The following ASPRV1 variants were observed in gnomAD, a reference collection of about 807,000 sequenced individuals.
The protein encoded by ASPRV1 is aspartic peptidase retroviral like 1, also known as retroviral-like aspartic protease 1.
In ASPRV1, 7 loss-of-function variants were observed where a neutral mutation model predicts 11.0. The ratio of observed to expected loss-of-function variants is 0.64; its 90% CI spans 0.36 to 1.20. The LOEUF (loss-of-function observed/expected upper bound fraction) is 1.20, where lower values mean the gene tolerates loss of function less well. ASPRV1 is among the 50% of genes most tolerant of loss of function. ASPRV1 has a pLI of 0.02. For synonymous variants in ASPRV1, 136 were observed against 138.4 expected, an observed-to-expected ratio of 0.98 and a Z score of 0.12; for missense variants, 299 against 320.0, an observed-to-expected ratio of 0.93 and a Z score of 0.50.
chr2:69,942,755 A>G, the ASPRV1 span: 1 of 152,200 alleles, frequency 6.6e-6, no homozygotes, highest in Admixed American at 6.5e-5. Flanking sequence ...TTCTGTTTCC[A>G]GATGTTTCTT....
chr2:70,029,044 T>C, the ASPRV1 span, among the ~76,000 whole-genome samples: 11 of 152,098 alleles, frequency 7.2e-5, no homozygotes, highest in Non-Finnish European at 1.6e-4. Context: ...TGGCTCTCTG[T>C]TAAAATACAA....
chr2:70,042,007 T>C, the ASPRV1 span, among the ~76,000 whole-genome samples: 1 of 152,164 alleles, frequency 6.6e-6, no homozygotes, highest in Admixed American at 6.5e-5. Context: ...CTCTATTTGA[T>C]GTCCATTCCT....
chr2:69,994,519 G>A, the ASPRV1 span, among the ~76,000 whole-genome samples: 6 of 152,260 alleles, frequency 3.9e-5, no homozygotes, highest in South Asian at 2.1e-4. Flanking sequence ...GCATGTGGGC[G>A]GTACAGTAAC....
At chr2:70,062,169 G>A in the ASPRV1 span, among the ~76,000 whole-genome samples, 1 of 151,546 alleles carries the variant, frequency 6.6e-6, no homozygotes, top group Non-Finnish European at 1.5e-5. Flanking sequence ...GCTGGGCATA[G>A]TGGCGGGTGC....
the ASPRV1 span, among the ~76,000 whole-genome samples, chr2:70,076,443 A>C: frequency 6.6e-6 from 1 of 152,258 alleles, no homozygotes; most frequent in Non-Finnish European, 1.5e-5. Flanking sequence ...ACATTTGGTA[A>C]GCACTTTCTA....
the ASPRV1 span, among the ~76,000 whole-genome samples, chr2:69,976,966 T>G: frequency 1.3e-5 from 2 of 151,972 alleles, no homozygotes; most frequent in Non-Finnish European, 2.9e-5. Flanking sequence ...CCGCGGCAGG[T>G]GGATCGCCTG....
At chr2:70,007,753 T>A in the ASPRV1 span, among the ~76,000 whole-genome samples, 1 of 152,166 alleles carries the variant, frequency 6.6e-6, no homozygotes, top group Non-Finnish European at 1.5e-5. Flanking sequence ...GCTCATTATA[T>A]CTAGGGAGTG....
the ASPRV1 span, chr2:70,031,918 G>C: frequency 6.6e-6 from 1 of 152,150 alleles, no homozygotes; most frequent in Admixed American, 6.6e-5. Context: ...CATTTTACAG[G>C]CTTGGGAACC....
At chr2:69,976,171 G>A in the ASPRV1 span, among the ~76,000 whole-genome samples, 206 of 152,288 alleles carry the variant, frequency 1.4e-3, 1 homozygote, top group Non-Finnish European at 2.0e-3. Context: ...CCAACCCTCC[G>A]GCCACGTGGT....
the ASPRV1 span, among the ~76,000 whole-genome samples, chr2:69,979,589 C>T: frequency 2.6e-5 from 4 of 152,178 alleles, no homozygotes; most frequent in African/African-American, 9.7e-5. Context: ...GCACAAAGGC[C>T]CCCAAAATGG....
chr2:69,974,920 T>C, the ASPRV1 span, among the ~76,000 whole-genome samples: 2 of 152,220 alleles, frequency 1.3e-5, no homozygotes, highest in African/African-American at 4.8e-5. Flanking sequence ...GCTGATGGCA[T>C]GTTCACACTC....
At chr2:70,073,607 A>C in the ASPRV1 span, among the ~76,000 whole-genome samples, 2 of 152,304 alleles carry the variant, frequency 1.3e-5, no homozygotes, top group East Asian at 3.9e-4. Context: ...CTTAACAAGG[A>C]AAGAAAAAGG....
At chr2:70,074,616 A>C in the ASPRV1 span, among the ~76,000 whole-genome samples, 6 of 152,004 alleles carry the variant, frequency 3.9e-5, no homozygotes, top group South Asian at 1.3e-3. Context: ...TAAAACTAAA[A>C]AAAGTGAAGT....
the ASPRV1 span, among the ~76,000 whole-genome samples, chr2:70,023,712 A>G: frequency 2.6e-5 from 4 of 151,990 alleles, no homozygotes; most frequent in Non-Finnish European, 5.9e-5. Context: ...ACTTGCTAAT[A>G]AAGTATTTTC....
the ASPRV1 span, chr2:69,971,260 C>A: frequency 6.6e-6 from 1 of 152,088 alleles, no homozygotes; most frequent in African/African-American, 2.4e-5. Context: ...ATATATGTAG[C>A]TAAAACAAAA....
At chr2:70,006,919 T>C in the ASPRV1 span, among the ~76,000 whole-genome samples, 1 of 152,096 alleles carries the variant, frequency 6.6e-6, no homozygotes, top group Admixed American at 6.6e-5. Context: ...AGTGCAGCCT[T>C]GGGTTGGGGC....
the ASPRV1 span, among the ~76,000 whole-genome samples, chr2:70,029,555 C>T: frequency 6.6e-6 from 1 of 152,166 alleles, no homozygotes; most frequent in Non-Finnish European, 1.5e-5. Context: ...AGGGGAATCA[C>T]TTGAACCCAG....
the ASPRV1 span, among the ~76,000 whole-genome samples, chr2:70,006,364 G>A: frequency 6.6e-6 from 1 of 152,170 alleles, no homozygotes; most frequent in African/African-American, 2.4e-5. Flanking sequence ...AGGTGTAGGA[G>A]CTGCAAATGA....
chr2:70,026,929 C>T, the ASPRV1 span, among the ~76,000 whole-genome samples: 6 of 152,172 alleles, frequency 3.9e-5, no homozygotes, highest in East Asian at 1.9e-4. Flanking sequence ...CTAGAGGCAT[C>T]GCACTACCTG....
Sources: allele counts gnomAD v4.1 joint callset (sites outside exome capture counted in the v4.1 genomes callset), GRCh38; gene constraint gnomAD v4.1.1; transcripts MANE v1.5; gene names NCBI Gene and HGNC (gene_info 2026-07-23, HGNC 2026-07-21).